Variants in ARID2 observed in about 807,000 individuals in gnomAD.
ARID2 encodes the protein AT-rich interactive domain-containing protein 2.
ARID2 carries 32 observed loss-of-function variants against 184.6 expected under a neutral mutation model. The ratio of observed to expected loss-of-function variants is 0.17; its 90% confidence interval spans 0.13 to 0.23. The LOEUF is 0.23. ARID2 is among the 10% of genes least tolerant of loss of function. The pLI is 1.00. For missense variants in ARID2, 1,696 were observed against 2,197.6 expected, an observed-to-expected ratio of 0.77 and a Z score of 4.56; for synonymous variants, 836 against 772.6, an observed-to-expected ratio of 1.08 and a Z score of -1.36.
In ARID2 at chr12:45,729,907, G is replaced by A. The variant is rs994735646; in HGVS notation, c.71G>A (p.Arg24Gln). ...RKGLAFLDEL[R>Q]QFHHSRGSPF... is the part of the protein sequence containing the mutation. ...GGACTCGCTTTCCTGGACGAGCTGC[G>A]GCAGTTCCACCACAGCAGAGGGTGA... Residue 24 changes from arginine to glutamine, a missense_variant, in exon 1 of 21, where the codon CGG (arginine) becomes CAG (glutamine). Physicochemically the swap from Arg to Gln is conservative, Grantham distance 43 (BLOSUM62 1). Transcript: ENST00000334344. The A allele has an allele frequency of 6.2e-7, 1 of 1,610,182 alleles. No individual in the cohort carries two copies. The highest frequency in any genetic ancestry group is 1.3e-5 in the African/African-American group (1 of 74,882).
At chr12:45,823,715 T>A (rs1942939902) in intron 6 of ARID2, among the ~76,000 whole-genome samples, 1 of 152,044 alleles carries the variant, frequency 6.6e-6, no homozygotes, top group Non-Finnish European at 1.5e-5. Context: ...CTTGGACACA[T>A]ACAACCCATC....
chr12:45,773,021 A>G (rs1480459405), intron 3 of ARID2, among the ~76,000 whole-genome samples: 1 of 152,114 alleles, frequency 6.6e-6, no homozygotes, highest in East Asian at 1.9e-4. Context: ...TGTAAAAGAA[A>G]CCTTATTACA....
intron 20 of ARID2, among the ~76,000 whole-genome samples, chr12:45,904,637 G>C (rs1311488093): frequency 7.1e-6 from 1 of 140,842 alleles, no homozygotes; most frequent in Non-Finnish European, 1.5e-5. Context: ...GTTGCAGTGA[G>C]CTAAGATTGC....
At chr12:45,730,343 T>A (rs1399335059) in intron 2 of ARID2, among the ~76,000 whole-genome samples, 1 of 145,738 alleles carries the variant, frequency 6.9e-6, no homozygotes, top group East Asian at 2.0e-4. Context: ...GGCGCGGGGC[T>A]CCGGCGGGCG....
Position 45,906,113 on chromosome 12 carries a change from C to T in ARID2, c.*1035C>T, listed in dbSNP as rs907330501. ...TGTAAACGTTTGTCGTGTACAAGCT[C>T]AGAGCTTGGACAGAATTTTTTGTAT... On this transcript the variant is annotated 3_prime_UTR_variant, in exon 21 of 21. Transcript: ENST00000334344. 5 of 232,464 alleles carry T rather than the reference C, an allele frequency of 2.2e-5. No individual in the cohort carries two copies. The highest frequency in any genetic ancestry group is 3.4e-5 in the Non-Finnish European group (4 of 117,568). The allele number at this position is 232,464 out of a possible 1,614,324, so 14.4% of individuals were successfully genotyped here.
intron 3 of ARID2, chr12:45,776,238 G>C (rs1312029812): frequency 6.5e-6 from 1 of 152,998 alleles, no homozygotes; most frequent in Non-Finnish European, 1.5e-5. Context: ...GTTTTTAACA[G>C]GTCCTCCAGG....
intron 3 of ARID2, chr12:45,789,305 T>G (rs1299027123): frequency 6.6e-6 from 1 of 152,340 alleles, no homozygotes; most frequent in Non-Finnish European, 1.5e-5. Flanking sequence ...TTATATTTTG[T>G]CTGTGAGATC....
At chr12:45,894,659 C>T (rs1439443219) in intron 20 of ARID2, among the ~76,000 whole-genome samples, 2 of 151,898 alleles carry the variant, frequency 1.3e-5, no homozygotes, top group African/African-American at 4.8e-5. Flanking sequence ...TTTGCAATGA[C>T]AAATGTTACT....
chr12:45,801,613 T>C (rs1592085278), intron 3 of ARID2, among the ~76,000 whole-genome samples: 1 of 152,302 alleles, frequency 6.6e-6, no homozygotes, highest in South Asian at 2.1e-4. Flanking sequence ...TCTGTAGTAT[T>C]CCTTCAAAAA....
chr12:45,861,976 T>C (rs1018031289), intron 16 of ARID2, among the ~76,000 whole-genome samples: 1 of 152,248 alleles, frequency 6.6e-6, no homozygotes, highest in African/African-American at 2.4e-5. Context: ...TTTTACAAGC[T>C]ATCTTTGCTA....
Position 45,892,050 on chromosome 12 carries a change from A to AAAC in ARID2, c.5104_5106dup (p.Gln1702dup). Reference sequence around the variant, plus strand: ...AAAGGATGCCCTACTTGCAGGATTAAAACAAGATGAACCAGGACAAGCAGG... The same window carrying AAAC: ...AAAGGATGCCCTACTTGCAGGATTAAAACAACAAGATGAACCAGGACAAGCAGG... On this transcript the variant is annotated inframe_insertion, in exon 18 of 21. Coordinates refer to ENST00000334344, the MANE Select transcript of ARID2 (RefSeq NM_152641.4). 1 of 1,614,174 alleles carries AAAC rather than the reference A, an allele frequency of 6.2e-7. No homozygotes were observed. Among genetic ancestry groups the AAAC allele is most frequent in the Non-Finnish European group, 8.5e-7 (1 of 1,180,006 alleles).
At chr12:45,847,833 C>T (rs1324613026) in intron 12 of ARID2, among the ~76,000 whole-genome samples, 1 of 151,996 alleles carries the variant, frequency 6.6e-6, no homozygotes, top group Non-Finnish European at 1.5e-5. Flanking sequence ...GCTTTTTCCT[C>T]ACCTTCTATA....
rs997186855 is a variant in ARID2, at chr12:45,763,816, A to G, written c.284+32502A>G. ...GATTGTTATTGTTGAGGGAACTGAG[A>G]CCTAGAGAATTTGCAATTTTTATAT... On this transcript the variant is annotated intron_variant, in intron 3 of 20. Coordinates refer to ENST00000334344, the MANE Select transcript of ARID2 (RefSeq NM_152641.4). Among the ~76,000 whole-genome samples, 6 of 152,128 alleles carry G rather than the reference A, an allele frequency of 3.9e-5. No homozygotes were observed. In the East Asian group the frequency reaches 7.7e-4, roughly 20 times the overall value.
intron 11 of ARID2, among the ~76,000 whole-genome samples, chr12:45,845,146 T>G (rs1194823644): frequency 6.6e-6 from 1 of 152,162 alleles, no homozygotes; most frequent in Admixed American, 6.5e-5. Flanking sequence ...TTATAAAGAC[T>G]TCTCATGATT....
chr12:45,839,586 C>T, intron 11 of ARID2, 90 bp downstream of exon 11: 1 of 1,443,404 alleles, frequency 6.9e-7, no homozygotes, highest in East Asian at 2.3e-5. Context: ...GTATAGAGAA[C>T]TGATATTTTA....
At chr12:45,739,672 A>C (rs1294535864) in intron 3 of ARID2, among the ~76,000 whole-genome samples, 5 of 152,032 alleles carry the variant, frequency 3.3e-5, no homozygotes, top group Non-Finnish European at 5.9e-5. Flanking sequence ...TGTGTGCACA[A>C]AGATGATCTT....
rs374540100 is a variant in ARID2, at chr12:45,839,445, C to T, written c.1447C>T (p.Pro483Ser). The T allele has an allele frequency of 3.1e-6, 5 of 1,613,932 alleles. No individual in the cohort carries two copies. Among genetic ancestry groups the T allele is most frequent in the South Asian group, 2.2e-5 (2 of 91,092 alleles). Reference protein sequence around the residue: ...SSHQMLSEIRPQAIEQVQTQT... With the variant: ...SSHQMLSEIRSQAIEQVQTQT... ...TCATCAAATGTTATCTGAAATTAGG[C>T]CACAAGCTATAGAGCAAGTCCAAAC... is the stretch of plus-strand genomic sequence containing the variant. The change falls in exon 11 of 21, where the codon CCA becomes TCA. Residue 483 changes from proline to serine, a missense_variant. By Grantham distance (74) the Pro-to-Ser change is moderately conservative. Around this residue, in one of 11 missense-constraint regions of ARID2, gnomAD observed 713 missense variants for 824.4 expected, o/e 0.86. Coordinates refer to ENST00000334344, the MANE Select transcript of ARID2 (RefSeq NM_152641.4).
chr12:45,759,520 C>A (rs1453691770), intron 3 of ARID2, among the ~76,000 whole-genome samples: 1 of 152,024 alleles, frequency 6.6e-6, no homozygotes, highest in African/African-American at 2.4e-5. Context: ...GTCTTCTTCC[C>A]AAATTCTCAG....
chr12:45,906,831 T>C lies in ARID2; in HGVS notation c.*1753T>C, dbSNP rs369251146. The C allele has an allele frequency of 3.9e-4, 91 of 232,366 alleles. 2 individuals carry two copies. The highest frequency in any genetic ancestry group is 1.3e-3 in the African/African-American group (59 of 45,456). 14.4% of individuals were successfully genotyped at this position (232,366 alleles called of 1,614,324 possible). Reference sequence around the variant, plus strand: ...CAATATGCCTTTTTTTACTGGATACTGTACATTTGGCTAAAAGCTTTTATT... The same window carrying C: ...CAATATGCCTTTTTTTACTGGATACCGTACATTTGGCTAAAAGCTTTTATT... On this transcript the variant is annotated 3_prime_UTR_variant, in exon 21 of 21. Transcript: ENST00000334344.
Sources: gnomAD v4.1 joint callset for allele counts (sites outside exome capture counted in the v4.1 genomes callset) on GRCh38, gnomAD v4.1.1 for gene constraint, gnomAD v4.1.1 regional missense constraint, MANE v1.5 for transcripts, NCBI Gene and HGNC (gene_info 2026-07-23, HGNC 2026-07-21) for gene names.